Variants in GRIK5 observed in about 807,000 individuals in gnomAD.
GRIK5 encodes glutamate receptor ionotropic, kainate 5.
GRIK5 carries 43 observed loss-of-function variants against 97.4 expected under a neutral mutation model. The observed-to-expected ratio is 0.44, with a 90% CI of 0.35 to 0.57. The LOEUF is 0.57. GRIK5 is among the 20% of genes least tolerant of loss of function. GRIK5 has a pLI of 0.01. For synonymous variants in GRIK5, 580 were observed against 583.5 expected (o/e 0.99, Z 0.09); for missense variants, 1,015 against 1,382.0 (o/e 0.73, Z 4.21).
chr19:42,015,682 G>C (rs1568889409), intron 15 of GRIK5, among the ~76,000 whole-genome samples: 1 of 152,162 alleles, frequency 6.6e-6, no homozygotes, highest in Non-Finnish European at 1.5e-5. Context: ...TTCTCTCATT[G>C]TCTTGGTGAC....
intron 15 of GRIK5, among the ~76,000 whole-genome samples, chr19:42,011,086 C>T (rs1004161887): frequency 2.0e-5 from 3 of 150,058 alleles, no homozygotes; most frequent in East Asian, 2.1e-4. Context: ...GGATTACAGG[C>T]GTGAGCACCA....
intron 15 of GRIK5, among the ~76,000 whole-genome samples, chr19:42,013,533 C>T (rs1279431168): frequency 4.0e-5 from 6 of 151,138 alleles, no homozygotes; most frequent in African/African-American, 9.7e-5. Context: ...CCTCAGCCTC[C>T]GGAGTAGCTG....
intron 12 of GRIK5, among the ~76,000 whole-genome samples, chr19:42,038,935 A>G (rs2075943567): frequency 6.6e-6 from 1 of 151,978 alleles, no homozygotes; most frequent in African/African-American, 2.4e-5. Flanking sequence ...CTCCCTGTAA[A>G]TGTCATTGCC....
chr19:42,014,414 AT>A (rs2075601662), intron 15 of GRIK5, among the ~76,000 whole-genome samples: 2 of 151,782 alleles, frequency 1.3e-5, no homozygotes, highest in African/African-American at 4.8e-5. Context: ...AAAAAAAAAA[AT>A]TTTACTATCT....
intron 12 of GRIK5, among the ~76,000 whole-genome samples, chr19:42,041,317 T>C (rs2146104181): frequency 6.6e-6 from 1 of 152,280 alleles, no homozygotes; most frequent in Non-Finnish European, 1.5e-5. Context: ...ACACCAGCTC[T>C]GGGAGTGTCC....
chr19:42,052,082 G>A (rs2076124160), intron 11 of GRIK5, among the ~76,000 whole-genome samples: 1 of 152,186 alleles, frequency 6.6e-6, no homozygotes, highest in African/African-American at 2.4e-5. Flanking sequence ...GAATGTAAGG[G>A]CCAGCACCAT....
intron 17 of GRIK5, among the ~76,000 whole-genome samples, chr19:42,004,904 A>G (rs2075467111): frequency 6.6e-6 from 1 of 152,152 alleles, no homozygotes; most frequent in African/African-American, 2.4e-5. Flanking sequence ...CATAAACCAC[A>G]GTGGCCAGCC....
intron 12 of GRIK5, among the ~76,000 whole-genome samples, chr19:42,027,000 C>T (rs992737595): frequency 4.6e-5 from 7 of 152,130 alleles, no homozygotes; most frequent in Non-Finnish European, 7.4e-5. Context: ...GGCCCCAAAA[C>T]GTCCCGCACC....
chr19:42,026,474 G>A (rs898070335), intron 12 of GRIK5, among the ~76,000 whole-genome samples: 8 of 151,448 alleles, frequency 5.3e-5, no homozygotes, highest in African/African-American at 9.7e-5. Context: ...GGTTAATCTC[G>A]AACTCCTGAC....
chr19:42,023,740 C>A (rs138342768), intron 12 of GRIK5, among the ~76,000 whole-genome samples: 50 of 152,358 alleles, frequency 3.3e-4, no homozygotes, highest in African/African-American at 1.1e-3. Flanking sequence ...CTCCTCAGAT[C>A]TGTCCATTTC....
At chr19:42,000,805 T>C (rs2075417268) in intron 19 of GRIK5, among the ~76,000 whole-genome samples, 1 of 152,210 alleles carries the variant, frequency 6.6e-6, no homozygotes, top group African/African-American at 2.4e-5. Flanking sequence ...TCAGCTGCCA[T>C]GGTGTGAGGA....
chr19:42,046,565 C>T (rs1230160874), intron 11 of GRIK5, among the ~76,000 whole-genome samples: 1 of 152,126 alleles, frequency 6.6e-6, no homozygotes, highest in African/African-American at 2.4e-5. Context: ...AAGACTGAAA[C>T]AACCTAATTT....
At chr19:42,029,731 G>A (rs1168579566) in intron 12 of GRIK5, among the ~76,000 whole-genome samples, 1 of 152,194 alleles carries the variant, frequency 6.6e-6, no homozygotes, top group Non-Finnish European at 1.5e-5. Flanking sequence ...AGATCAGCTC[G>A]CATGCAGCCT....
In GRIK5 at chr19:42,034,237, T is replaced by C. The variant is rs1418531393; in HGVS notation, c.1473+8315A>G. 2.0e-5 allele frequency among the ~76,000 whole-genome samples: 3 copies of C among 152,224 alleles called. No individual in the cohort carries two copies. In the East Asian group the frequency reaches 5.8e-4, roughly 29 times the overall value. ...CCAGCCAGGCGTGATGGAGCGTGCC[T>C]GTAATCCCAGCTACTGGGAAAGCTG... On this transcript the variant is annotated intron_variant, in intron 12 of 19. Coordinates refer to ENST00000593562, the MANE Select transcript of GRIK5 (RefSeq NM_002088.5).
At chr19:42,054,627 G>T (rs1464178670) in intron 8 of GRIK5, among the ~76,000 whole-genome samples, 155 bp from the exon 9 acceptor site, 2 of 152,138 alleles carry the variant, frequency 1.3e-5, no homozygotes, top group Non-Finnish European at 2.9e-5. Flanking sequence ...AAGTGGCTCT[G>T]GTGTCTTTCT....
chr19:42,032,793 C>T (rs1251701842), intron 12 of GRIK5, among the ~76,000 whole-genome samples: 1 of 152,182 alleles, frequency 6.6e-6, no homozygotes, highest in African/African-American at 2.4e-5. Flanking sequence ...CGATTCCTCT[C>T]TTCCTCTTAT....
intron 12 of GRIK5, among the ~76,000 whole-genome samples, chr19:42,028,482 C>T (rs1183125347): frequency 2.0e-5 from 3 of 152,226 alleles, no homozygotes; most frequent in Admixed American, 1.3e-4. Context: ...CCTCTCCCAC[C>T]CCAGCCACCT....
Position 42,065,107 on chromosome 19 carries a change from AG to A in GRIK5, c.244+115del, listed in dbSNP as rs2076311740. 1.3e-5 allele frequency: 11 copies of A among 872,038 alleles called. No homozygotes were observed. In the Admixed American group the frequency reaches 2.7e-4, roughly 21 times the overall value. The allele number at this position is 872,038 out of a possible 1,614,324, so 54.0% of individuals were successfully genotyped here. On this transcript the variant is annotated intron_variant, in intron 3 of 19. Transcript: ENST00000593562. This position sits in a 1 kb window ranked among gnomAD's most constrained non-coding sequence, Gnocchi z 5.8. ...AAGAAGGCAGAGACAAACACAAAGA[AG>A]GGGGAGGATGGAGCTAGAAGAGGAC...
At chr19:42,043,337 C>T (rs1035864978) in intron 11 of GRIK5, among the ~76,000 whole-genome samples, 5 of 152,032 alleles carry the variant, frequency 3.3e-5, no homozygotes, top group Admixed American at 2.6e-4. Flanking sequence ...ATTCCCTCAC[C>T]AGGGTTTAGC....
Sources: allele counts gnomAD v4.1 joint callset (sites outside exome capture counted in the v4.1 genomes callset), GRCh38; gene constraint gnomAD v4.1.1; non-coding constraint Gnocchi (gnomAD v3.1); transcripts MANE v1.5; gene names NCBI Gene and HGNC (gene_info 2026-07-23, HGNC 2026-07-21).